RAB11FIP1: variants seen among roughly 807,000 people sequenced by gnomAD.
RAB11FIP1 encodes the protein RAB11 family interacting protein 1.
A neutral mutation model predicts 83.1 loss-of-function variants in RAB11FIP1; 49 were observed. The observed-to-expected ratio is 0.59, with a 90% CI of 0.47 to 0.75. The LOEUF is 0.75. Ranked by LOEUF, RAB11FIP1 falls within the 30% of genes least tolerant of loss-of-function variation. The pLI is 0.00. For synonymous variants in RAB11FIP1, 670 were observed against 656.0 expected (o/e 1.02, Z -0.33); for missense variants, 1,536 against 1,598.7 (o/e 0.96, Z 0.67).
intron 1 of RAB11FIP1, among the ~76,000 whole-genome samples, chr8:37,896,266 C>A (rs940486454): frequency 1.3e-5 from 2 of 151,610 alleles, no homozygotes; most frequent in African/African-American, 4.9e-5. Context: ...GCCGAGATCA[C>A]GCCATTGCAC....
At position 37,877,468 on chromosome 8, in the gene RAB11FIP1, T is replaced by C. The variant is rs755988114; in HGVS notation, c.455A>G (p.Asn152Ser). 2.5e-6 allele frequency: 4 copies of C among 1,613,898 alleles called. No individual in the cohort carries two copies. The highest frequency in any genetic ancestry group is 2.2e-5 in the East Asian group (1 of 44,874). Reference protein sequence around the residue: ...IEVDIQFMRNNMTASMFDLSM... With the variant: ...IEVDIQFMRNSMTASMFDLSM... The stretch of plus-strand genomic sequence containing the variant: ...AAGGTCAAACATGCTGGCAGTCATG[T>C]TGTTTCTCATAAACTGGATGTCAAC... Residue 152 changes from asparagine to serine, a missense_variant, in exon 2 of 6, where the codon AAC (asparagine) becomes AGC (serine). Asn to Ser is a conservative substitution (Grantham distance 46). Transcript: ENST00000330843.
intron 1 of RAB11FIP1, among the ~76,000 whole-genome samples, chr8:37,885,001 T>G (rs1319927523): frequency 6.6e-6 from 1 of 150,586 alleles, no homozygotes; most frequent in Non-Finnish European, 1.5e-5. Flanking sequence ...TTTAATTGTT[T>G]TTTTTTTTTT....
chr8:37,884,469 C>T (rs777468899), intron 1 of RAB11FIP1, among the ~76,000 whole-genome samples: 20 of 152,112 alleles, frequency 1.3e-4, no homozygotes, highest in Admixed American at 2.6e-4. Context: ...CTCACAGCAG[C>T]TTCAAAGTTC....
Position 37,861,752 on chromosome 8 carries a change from C to A in RAB11FIP1, c.*1143G>T, listed in dbSNP as rs1018802363. 5 of 350,094 alleles carry A rather than the reference C, an allele frequency of 1.4e-5. No individual in the cohort carries two copies. Among genetic ancestry groups the A allele is most frequent in the African/African-American group, 1.1e-4 (5 of 45,742 alleles). The allele number at this position is 350,094 out of a possible 1,614,324, so 21.7% of individuals were successfully genotyped here. A position where few individuals can be genotyped will look rare whatever the true frequency, so the allele number is the denominator to read the frequency against. On this transcript the variant is annotated 3_prime_UTR_variant, in exon 6 of 6. Transcript: ENST00000330843. Reference sequence around the variant, plus strand: ...TACAGGCACGCACCACCATGCCAAGCTAATTTTTGTATTTTTAGTAGAGAT... The same window carrying A: ...TACAGGCACGCACCACCATGCCAAGATAATTTTTGTATTTTTAGTAGAGAT...
In RAB11FIP1 at chr8:37,861,443, G is replaced by T; in HGVS notation, c.*1452C>A. 2.7e-6 allele frequency: 1 copy of T among 367,688 alleles called. No homozygotes were observed. The highest frequency in any genetic ancestry group is 5.3e-6 in the Non-Finnish European group (1 of 190,068). The allele number at this position is 367,688 out of a possible 1,614,324, so 22.8% of individuals were successfully genotyped here. On this transcript the variant is annotated 3_prime_UTR_variant, in exon 6 of 6. Transcript: ENST00000330843. ...CACAAATAATTTGGGTTTCCTTTTG[G>T]GCAGGGAGAGAAAGTGTTCAAAGGA...
chr8:37,865,421 G>C (rs1189997969), intron 5 of RAB11FIP1, among the ~76,000 whole-genome samples: 1 of 151,330 alleles, frequency 6.6e-6, no homozygotes, highest in African/African-American at 2.4e-5. Context: ...CCAGGTTCAA[G>C]TGCTTCTCCT....
intron 5 of RAB11FIP1, among the ~76,000 whole-genome samples, chr8:37,870,150 TA>T (rs1366636563): frequency 4.6e-5 from 7 of 151,740 alleles, no homozygotes; most frequent in Non-Finnish European, 1.0e-4. Flanking sequence ...GGAAAATTTT[TA>T]AATAATTTTT....
At chr8:37,884,151 G>A (rs1237591707) in intron 1 of RAB11FIP1, among the ~76,000 whole-genome samples, 9 of 148,812 alleles carry the variant, frequency 6.0e-5, no homozygotes, top group South Asian at 4.3e-4. Flanking sequence ...TGCAACCACC[G>A]TCGCCCAGGT....
At chr8:37,864,207 G>C (rs114324658) in intron 5 of RAB11FIP1, among the ~76,000 whole-genome samples, 27 of 152,362 alleles carry the variant, frequency 1.8e-4, no homozygotes, top group African/African-American at 6.3e-4. Flanking sequence ...CTCCCGAGGA[G>C]AGCACACACC....
chr8:37,878,526 T>C (rs1437052799), intron 1 of RAB11FIP1, among the ~76,000 whole-genome samples: 12 of 95,640 alleles, frequency 1.3e-4, no homozygotes, highest in Non-Finnish European at 1.9e-4. Context: ...AGAGTGAGAC[T>C]CCATCTCAAA....
rs1806585821 is a variant in RAB11FIP1, at chr8:37,875,327, G to A, written c.815-5C>T. The A allele has an allele frequency of 3.1e-6, 5 of 1,603,142 alleles. No homozygotes were observed. The highest frequency in any genetic ancestry group is 4.3e-6 in the Non-Finnish European group (5 of 1,174,142). Reference sequence around the variant, plus strand: ...CTGTTCTCTTGTGAGACATGACTTTGGGAAGAAAAAGAACAGAAAGGGGAT... The same window carrying A: ...CTGTTCTCTTGTGAGACATGACTTTAGGAAGAAAAAGAACAGAAAGGGGAT... On this transcript the variant is annotated splice_region_variant and splice_polypyrimidine_tract_variant and intron_variant, in intron 2 of 5. Transcript: ENST00000330843.
chr8:37,867,560 A>T (rs1251418073), intron 5 of RAB11FIP1, among the ~76,000 whole-genome samples: 1 of 152,124 alleles, frequency 6.6e-6, no homozygotes, highest in Non-Finnish European at 1.5e-5. Flanking sequence ...CAAAAAAATT[A>T]GCTGGGTGTG....
intron 1 of RAB11FIP1, among the ~76,000 whole-genome samples, chr8:37,892,419 T>TTA (rs1194110376): frequency 4.2e-5 from 6 of 142,426 alleles, no homozygotes; most frequent in Non-Finnish European, 7.6e-5. Flanking sequence ...CCCACTACTT[T>TTA]TATTTATATT....
chr8:37,898,015 C>CCTGGCCCAGTCATTCTCGGCT (rs1807127147), intron 1 of RAB11FIP1, among the ~76,000 whole-genome samples: 2 of 152,198 alleles, frequency 1.3e-5, no homozygotes, highest in African/African-American at 4.8e-5. Flanking sequence ...TGCCCTGCGC[C>CCTGGCCCAGTCATTCTCGGCT]CTGGCCCAGT....
intron 1 of RAB11FIP1, among the ~76,000 whole-genome samples, chr8:37,879,232 C>T (rs553531962): frequency 3.3e-5 from 5 of 152,028 alleles, no homozygotes; most frequent in African/African-American, 9.6e-5. Context: ...TGCTTGAACC[C>T]GGGAGGCGGA....
At chr8:37,873,294 G>A in intron 3 of RAB11FIP1, 115 bp from the exon 4 acceptor site, 1 of 1,200,306 alleles carries the variant, frequency 8.3e-7, no homozygotes, top group Non-Finnish European at 1.1e-6. Flanking sequence ...ACGTGGGGCA[G>A]TACCTTAAGA....
In RAB11FIP1 at chr8:37,872,934, G is replaced by A. The variant is rs1248837564; in HGVS notation, c.1868C>T (p.Ala623Val). The change falls in exon 4 of 6, where the codon GCC becomes GTC. Residue 623 changes from alanine to valine, a missense_variant. Ala to Val is a moderately conservative substitution (Grantham distance 64). Coordinates refer to ENST00000330843, the MANE Select transcript of RAB11FIP1 (RefSeq NM_001002814.3). ...GAGCAAGGGTGGTCCTTCAGACTTGGCCTGGCCCCTGTCTACGAGAGGCCA... is the reference window on the plus strand; with the variant it reads ...GAGCAAGGGTGGTCCTTCAGACTTGACCTGGCCCCTGTCTACGAGAGGCCA... ...ESWPLVDRGQ[A>V]KSEGPPLLPK... 6.2e-7 allele frequency: 1 copy of A among 1,614,096 alleles called. No individual in the cohort carries two copies. The highest frequency in any genetic ancestry group is 1.7e-5 in the Admixed American group (1 of 60,002).
intron 1 of RAB11FIP1, among the ~76,000 whole-genome samples, chr8:37,886,432 G>A (rs963120110): frequency 2.6e-5 from 4 of 152,170 alleles, no homozygotes; most frequent in African/African-American, 9.7e-5. Flanking sequence ...CTGCATCCCC[G>A]TATTAAACAC....
At position 37,874,600 on chromosome 8, in the gene RAB11FIP1, G is replaced by C. The variant is rs1806561294; in HGVS notation, c.1537C>G (p.Pro513Ala). 2 of 1,614,206 alleles carry C rather than the reference G, an allele frequency of 1.2e-6. No individual in the cohort carries two copies. Among genetic ancestry groups the C allele is most frequent in the African/African-American group, 1.3e-5 (1 of 75,060 alleles). Residue 513 changes from proline to alanine, a missense_variant, in exon 3 of 6, where the codon CCA (proline) becomes GCA (alanine). Pro to Ala is a conservative substitution (Grantham distance 27). Coordinates refer to ENST00000330843, the MANE Select transcript of RAB11FIP1 (RefSeq NM_001002814.3). ...NLFEDVQITE[P>A]EAEPESKSEP... The stretch of plus-strand genomic sequence containing the variant: ...GACTTGGACTCTGGCTCAGCTTCTG[G>C]TTCTGTGATCTGCACATCTTCAAAG...
Sources: allele counts gnomAD v4.1 joint callset (sites outside exome capture counted in the v4.1 genomes callset), GRCh38; gene constraint gnomAD v4.1.1; transcripts MANE v1.5; gene names NCBI Gene and HGNC (gene_info 2026-07-23, HGNC 2026-07-21).